PAPSS1: variants seen among roughly 807,000 people sequenced by gnomAD.
PAPSS1 encodes 3'-phosphoadenosine 5'-phosphosulfate synthase 1.
PAPSS1 carries 50 observed loss-of-function variants against 72.0 expected under a neutral mutation model. The observed-to-expected ratio is 0.69, with a 90% CI of 0.55 to 0.88. The LOEUF is 0.88. PAPSS1 is among the 40% of genes least tolerant of loss of function. The probability of loss-of-function intolerance (pLI) is 0.00; values close to 1 mark genes in which losing one functional copy is unlikely to be tolerated. For missense variants in PAPSS1, 657 were observed against 782.2 expected, an observed-to-expected ratio of 0.84 and a Z score of 1.91; for synonymous variants, 261 against 263.6, an observed-to-expected ratio of 0.99 and a Z score of 0.09.
At chr4:107,643,726 T>A (rs534301012) in intron 10 of PAPSS1, among the ~76,000 whole-genome samples, 172 of 152,088 alleles carry the variant, frequency 1.1e-3, no homozygotes, top group South Asian at 3.1e-3. Flanking sequence ...TGATAAAAAA[T>A]TTTTTTTAAT....
intron 1 of PAPSS1, among the ~76,000 whole-genome samples, chr4:107,719,187 G>GTTTTTTTTTTTTTTTTTTT (rs9307313): frequency 2.0e-5 from 3 of 146,414 alleles, no homozygotes; most frequent in Non-Finnish European, 3.0e-5. Flanking sequence ...GAAATTGCTT[G>GTTTTTTTTTTTTTTTTTTT]TTTTTTTTTT....
rs773202527 is a variant in PAPSS1, at chr4:107,631,717, A to G, written c.1650T>C (p.Pro550=). 1 of 1,614,184 alleles carries G rather than the reference A, an allele frequency of 6.2e-7. No individual in the cohort carries two copies. Reference sequence around the variant, plus strand: ...GAACTATTTCCAAAGTGATTAAACCAGGGGCCATCGTCAGCACTTTGGCAC... The same window carrying G: ...GAACTATTTCCAAAGTGATTAAACCGGGGGCCATCGTCAGCACTTTGGCAC... The part of the protein sequence containing the change: ...SHGAKVLTMA[P]GLITLEIVPF... Residue 550 remains proline (P), a synonymous_variant, in exon 11 of 12, where the codon CCT becomes CCC. Transcript: ENST00000265174.
chr4:107,676,211 G>A (rs1359157555), intron 5 of PAPSS1, among the ~76,000 whole-genome samples: 2 of 152,084 alleles, frequency 1.3e-5, no homozygotes, highest in African/African-American at 4.8e-5. Flanking sequence ...AGGAAATAAA[G>A]GGCATTCAAT....
chr4:107,630,655 G>C (rs188102609), intron 11 of PAPSS1, among the ~76,000 whole-genome samples: 18 of 152,232 alleles, frequency 1.2e-4, no homozygotes, highest in African/African-American at 4.3e-4. Flanking sequence ...CTAAAAGCTT[G>C]GGTTTTTTTG....
At chr4:107,709,884 C>T (rs1723442986) in intron 1 of PAPSS1, among the ~76,000 whole-genome samples, 1 of 152,326 alleles carries the variant, frequency 6.6e-6, no homozygotes, top group Middle Eastern at 3.4e-3. Context: ...GTTCAGCTGG[C>T]TCTGCATGAA....
intron 1 of PAPSS1, among the ~76,000 whole-genome samples, chr4:107,708,266 TA>T (rs1441494507): frequency 2.0e-5 from 3 of 152,158 alleles, no homozygotes; most frequent in Admixed American, 6.5e-5. Flanking sequence ...TCCAAGAACT[TA>T]AAAAAGAGGG....
intron 5 of PAPSS1, among the ~76,000 whole-genome samples, chr4:107,668,503 G>A (rs1186928919): frequency 6.6e-6 from 1 of 152,118 alleles, no homozygotes; most frequent in East Asian, 1.9e-4. Context: ...GAGTCAGTGG[G>A]CTAGGAAACC....
rs1474377453 is a variant in PAPSS1 at position 107,665,123 on chromosome 4, GA to G, written c.670-5052del. On this transcript the variant is annotated intron_variant, in intron 5 of 11. Coordinates refer to ENST00000265174, the MANE Select transcript of PAPSS1 (RefSeq NM_005443.5). ...TTGGGAATTAATGCAAAAATAGCAT[GA>G]ATCAAGAGGAACTGGGAGCATCTGC... Among the ~76,000 whole-genome samples the G allele has an allele frequency of 4.6e-5, 7 of 152,194 alleles. No homozygotes were observed. The East Asian group carries it at 1.3e-3, about 29-fold the overall frequency.
At chr4:107,672,664 C>G (rs1263481346) in intron 5 of PAPSS1, among the ~76,000 whole-genome samples, 1 of 152,214 alleles carries the variant, frequency 6.6e-6, no homozygotes, top group Non-Finnish European at 1.5e-5. Context: ...AAACAAAAGG[C>G]AGCAGAAACC....
intron 1 of PAPSS1, among the ~76,000 whole-genome samples, chr4:107,705,662 C>T (rs1723321866): frequency 1.3e-5 from 2 of 152,310 alleles, no homozygotes; most frequent in South Asian, 4.1e-4. Flanking sequence ...AAATTATTGT[C>T]ACTATTGTTA....
intron 3 of PAPSS1, among the ~76,000 whole-genome samples, chr4:107,688,869 T>G (rs1261972349): frequency 6.6e-6 from 1 of 152,136 alleles, no homozygotes; most frequent in African/African-American, 2.4e-5. Context: ...TGTCCAAAAC[T>G]AAATCCAGTC....
intron 10 of PAPSS1, among the ~76,000 whole-genome samples, chr4:107,640,874 G>A (rs1038930049): frequency 3.3e-5 from 5 of 152,192 alleles, no homozygotes; most frequent in Admixed American, 3.3e-4. Context: ...AGATGTAGAG[G>A]CAGACACAGC....
chr4:107,636,900 A>G (rs1726400797), intron 10 of PAPSS1, among the ~76,000 whole-genome samples: 1 of 152,204 alleles, frequency 6.6e-6, no homozygotes, highest in Non-Finnish European at 1.5e-5. Context: ...GCTAAGGTTT[A>G]CTCAAATTTT....
chr4:107,682,813 A>T (rs967674408), intron 4 of PAPSS1, among the ~76,000 whole-genome samples: 6 of 152,220 alleles, frequency 3.9e-5, no homozygotes, highest in Non-Finnish European at 7.3e-5. Context: ...CTGTGGCCAA[A>T]TTGAAGCTCT....
At chr4:107,629,528 C>T (rs190151754) in intron 11 of PAPSS1, among the ~76,000 whole-genome samples, 2 of 152,248 alleles carry the variant, frequency 1.3e-5, no homozygotes, top group South Asian at 2.1e-4. Flanking sequence ...AACCACTACA[C>T]CCAGATCAGC....
At chr4:107,644,105 C>G (rs1449537323) in intron 10 of PAPSS1, among the ~76,000 whole-genome samples, 2 of 152,166 alleles carry the variant, frequency 1.3e-5, no homozygotes, top group African/African-American at 4.8e-5. Context: ...TCCACTAGAC[C>G]ATGCTCTTTC....
At chr4:107,711,386 C>T (rs1185373931) in intron 1 of PAPSS1, among the ~76,000 whole-genome samples, 1 of 152,184 alleles carries the variant, frequency 6.6e-6, no homozygotes, top group East Asian at 1.9e-4. Flanking sequence ...ATCTTAATTT[C>T]CACATGGCCG....
At chr4:107,666,690 T>C (rs1481369470) in intron 5 of PAPSS1, among the ~76,000 whole-genome samples, 1 of 152,148 alleles carries the variant, frequency 6.6e-6, no homozygotes, top group Non-Finnish European at 1.5e-5. Flanking sequence ...CATTAAACAA[T>C]TCCAGGTACA....
At chr4:107,686,549 T>C (rs1428652687) in intron 4 of PAPSS1, among the ~76,000 whole-genome samples, 1 of 152,224 alleles carries the variant, frequency 6.6e-6, no homozygotes, top group Non-Finnish European at 1.5e-5. Flanking sequence ...TTTAACAGAA[T>C]CAGTGATATG....
Sources: gnomAD v4.1 joint callset for allele counts (sites outside exome capture counted in the v4.1 genomes callset) on GRCh38, gnomAD v4.1.1 for gene constraint, MANE v1.5 for transcripts, NCBI Gene and HGNC (gene_info 2026-07-23, HGNC 2026-07-21) for gene names.